The following AGBL4 variants were observed in gnomAD, a reference collection of about 807,000 sequenced individuals.
AGBL4 encodes the protein AGBL carboxypeptidase 4, also known as cytosolic carboxypeptidase 6.
Under a neutral mutation model 66.4 loss-of-function variants are expected in AGBL4, and 58 were observed. That is an observed-to-expected ratio of 0.87 (90% confidence interval 0.71 to 1.09). The LOEUF (loss-of-function observed/expected upper bound fraction) is 1.09. Among genes scored for constraint, AGBL4 ranks in the 50% least tolerant of loss-of-function variants. The probability of loss-of-function intolerance (pLI) is 0.00; values close to 1 mark genes in which losing one functional copy is unlikely to be tolerated. For synonymous variants in AGBL4, 234 were observed against 222.9 expected, an observed-to-expected ratio of 1.05 and a Z score of -0.44; for missense variants, 579 against 631.0, an observed-to-expected ratio of 0.92 and a Z score of 0.88.
chr1:48,749,294 TC>T (rs1651277520), intron 6 of AGBL4, among the ~76,000 whole-genome samples: 2 of 152,128 alleles, frequency 1.3e-5, no homozygotes, highest in African/African-American at 4.8e-5. Context: ...GTTTAACAGC[TC>T]CCTGACTAGA....
intron 3 of AGBL4, among the ~76,000 whole-genome samples, chr1:49,499,361 TTTA>T (rs941634033): frequency 6.6e-6 from 1 of 151,762 alleles, no homozygotes; most frequent in Non-Finnish European, 1.5e-5. Flanking sequence ...ATAAAATCCT[TTTA>T]TTATTATTAT....
chr1:49,260,130 C>A (rs35067082), intron 3 of AGBL4, among the ~76,000 whole-genome samples: 64,307 of 148,500 alleles, frequency 0.43, 16,238 homozygotes, highest in Non-Finnish European at 0.58. Flanking sequence ...ACACAACATA[C>A]CAGAATCTCT....
chr1:49,710,023 A>T (rs993666869), intron 2 of AGBL4, among the ~76,000 whole-genome samples: 3 of 152,204 alleles, frequency 2.0e-5, no homozygotes, highest in Non-Finnish European at 4.4e-5. Context: ...ATTGTGGAAG[A>T]CAGTGTGGCA....
At chr1:48,689,293 A>G (rs985609652) in intron 6 of AGBL4, among the ~76,000 whole-genome samples, 36 of 152,056 alleles carry the variant, frequency 2.4e-4, no homozygotes, top group African/African-American at 8.2e-4. Context: ...GCCCAGCAAC[A>G]TGTATTAACA....
chr1:48,829,956 G>C (rs1481365827), intron 6 of AGBL4, among the ~76,000 whole-genome samples: 5 of 152,108 alleles, frequency 3.3e-5, no homozygotes, highest in Admixed American at 2.0e-4. Flanking sequence ...AAAAGAGAGA[G>C]TAGGGGAGCA....
At chr1:49,968,429 T>A (rs545362115) in intron 1 of AGBL4, among the ~76,000 whole-genome samples, 1 of 152,240 alleles carries the variant, frequency 6.6e-6, no homozygotes, top group East Asian at 1.9e-4. Context: ...TGAAAGCCAA[T>A]TCTATATAAC....
intron 6 of AGBL4, among the ~76,000 whole-genome samples, chr1:48,677,387 C>T (rs957916984): frequency 6.6e-6 from 1 of 151,918 alleles, no homozygotes; most frequent in Non-Finnish European, 1.5e-5. Context: ...TATTCGCCAC[C>T]ACAGCAAAGA....
intron 1 of AGBL4, among the ~76,000 whole-genome samples, chr1:49,963,097 T>C (rs1322997424): frequency 6.6e-6 from 1 of 152,138 alleles, no homozygotes; most frequent in East Asian, 1.9e-4. Flanking sequence ...TTCCCAAACA[T>C]ACGTGTGTGT....
At chr1:49,473,420 G>C (rs1553209112) in intron 3 of AGBL4, among the ~76,000 whole-genome samples, 3 of 151,900 alleles carry the variant, frequency 2.0e-5, no homozygotes, top group Admixed American at 1.3e-4. Context: ...TTTCATGTTT[G>C]TTGACTACTT....
intron 3 of AGBL4, among the ~76,000 whole-genome samples, chr1:49,392,436 G>C (rs1644871052): frequency 6.6e-6 from 1 of 152,202 alleles, no homozygotes; most frequent in African/African-American, 2.4e-5. Context: ...ATGGTTATGA[G>C]TTGGTCAATG....
intron 3 of AGBL4, among the ~76,000 whole-genome samples, chr1:49,353,261 G>T (rs1643948378): frequency 6.6e-6 from 1 of 152,122 alleles, no homozygotes. Flanking sequence ...GTAGCACTAT[G>T]TGATATCTAA....
intron 3 of AGBL4, among the ~76,000 whole-genome samples, chr1:49,665,951 G>A (rs1005089356): frequency 6.7e-6 from 1 of 150,156 alleles, no homozygotes; most frequent in South Asian, 2.1e-4. Flanking sequence ...TAACAAAGAA[G>A]TACACACTAA....
chr1:49,291,208 T>C (rs1401517675), intron 3 of AGBL4, among the ~76,000 whole-genome samples: 1 of 152,188 alleles, frequency 6.6e-6, no homozygotes, highest in Non-Finnish European at 1.5e-5. Flanking sequence ...TCTCTCAAGG[T>C]ATTTTAGACC....
chr1:49,113,374 A>G (rs1645451740), intron 4 of AGBL4, among the ~76,000 whole-genome samples: 1 of 151,646 alleles, frequency 6.6e-6, no homozygotes, highest in Admixed American at 6.6e-5. Context: ...CTTCCTGAGT[A>G]GCTGGGACTA....
intron 1 of AGBL4, 130 bp from the exon 2 acceptor site, chr1:49,851,648 T>G (rs1182110927): frequency 2.4e-6 from 2 of 835,020 alleles, no homozygotes; most frequent in Non-Finnish European, 1.8e-6. Flanking sequence ...AACACCACAT[T>G]GTGGTACAGT....
intron 6 of AGBL4, among the ~76,000 whole-genome samples, chr1:48,682,069 G>A (rs1646463624): frequency 1.3e-5 from 2 of 152,208 alleles, no homozygotes; most frequent in African/African-American, 2.4e-5. Context: ...AAGGAGATTA[G>A]GACACAGACT....
intron 3 of AGBL4, among the ~76,000 whole-genome samples, chr1:49,502,030 A>G (rs1648210425): frequency 6.6e-6 from 1 of 152,186 alleles, no homozygotes; most frequent in Admixed American, 6.5e-5. Flanking sequence ...AACCTCACAT[A>G]TTATATATCC....
intron 3 of AGBL4, among the ~76,000 whole-genome samples, chr1:49,584,240 T>C (rs1454454873): frequency 2.6e-5 from 4 of 152,200 alleles, no homozygotes. Context: ...ATAAGAACAA[T>C]GTGTCTAAAA....
chr1:48,792,429 AG>A (rs1314762727), intron 6 of AGBL4, among the ~76,000 whole-genome samples: 1 of 152,236 alleles, frequency 6.6e-6, no homozygotes, highest in Non-Finnish European at 1.5e-5. Context: ...GAGATATGCA[AG>A]GGAGCAAATG....
Sources: gnomAD v4.1 joint callset for allele counts (sites outside exome capture counted in the v4.1 genomes callset) on GRCh38, gnomAD v4.1.1 for gene constraint, MANE v1.5 for transcripts, NCBI Gene and HGNC (gene_info 2026-07-23, HGNC 2026-07-21) for gene names.